Variants in LEFTY2 observed in about 807,000 individuals in gnomAD.
LEFTY2 encodes TGF-beta-4.
LEFTY2 carries 10 observed loss-of-function variants against 26.4 expected under a neutral mutation model. That is an observed-to-expected ratio of 0.38 (90% CI 0.23 to 0.64). The LOEUF (loss-of-function observed/expected upper bound fraction) is 0.64. Ranked by LOEUF, LEFTY2 falls within the 30% of genes least tolerant of loss-of-function variation. The pLI is 0.56. For synonymous variants in LEFTY2, 204 were observed against 234.1 expected, an observed-to-expected ratio of 0.87 and a Z score of 1.17; for missense variants, 407 against 502.1, an observed-to-expected ratio of 0.81 and a Z score of 1.81.
chr1:225,937,489 G>A lies in LEFTY2; in HGVS notation c.1053C>T (p.Cys351=), dbSNP rs1368869614. 1.9e-6 allele frequency: 3 copies of A among 1,613,958 alleles called. No individual in the cohort carries two copies. The African/African-American group carries it at 4.0e-5, about 22-fold the overall frequency. ...VSLPNMRVQK[C]SCASDGALVP... ...CGAGCGCCCCATCCGAGGCACAGCT[G>A]CACTTCTGCACCCTCATGTTGGGCA... The change falls in exon 4 of 4, where the codon TGC becomes TGT. Residue 351 remains cysteine, a synonymous_variant. Transcript: ENST00000366820.
chr1:225,937,102 G>T lies in LEFTY2; in HGVS notation c.*339C>A. The T allele has an allele frequency of 2.3e-6, 1 of 438,280 alleles. No individual in the cohort carries two copies. 27.1% of individuals were successfully genotyped at this position (438,280 alleles called of 1,614,324 possible). ...ACAGCAATTCAGTTCTGTTTCCCCA[G>T]TTCTAATCATAGGGTATTATTGTTC... On this transcript the variant is annotated 3_prime_UTR_variant, in exon 4 of 4. Coordinates refer to ENST00000366820, the MANE Select transcript of LEFTY2 (RefSeq NM_003240.5).
intron 3 of LEFTY2, 85 bp from the exon 4 acceptor site, chr1:225,937,889 G>A: frequency 6.7e-7 from 1 of 1,496,752 alleles, no homozygotes; most frequent in East Asian, 2.4e-5. Flanking sequence ...GGGCACCTGG[G>A]AGGGAGGTTT....
intron 3 of LEFTY2, among the ~76,000 whole-genome samples, chr1:225,938,845 T>G (rs1488577574): frequency 6.9e-6 from 1 of 145,566 alleles, no homozygotes; most frequent in Non-Finnish European, 1.5e-5. Context: ...ATATTTCTTT[T>G]TCTTTTCTTT....
rs1333242559 is a variant in LEFTY2, at chr1:225,939,360, C to T, written c.737+1G>A. 6.2e-7 allele frequency: 1 copy of T among 1,613,606 alleles called. No individual in the cohort carries two copies. ...TCCCTTCTGCCCAGTCCTGCACCTACCCATAGTCCCTGAGGTCCAGGGTGT... is the reference window on the plus strand; with the variant it reads ...TCCCTTCTGCCCAGTCCTGCACCTATCCATAGTCCCTGAGGTCCAGGGTGT... On this transcript the variant is annotated splice_donor_variant, in intron 3 of 3. Coordinates refer to ENST00000366820, the MANE Select transcript of LEFTY2 (RefSeq NM_003240.5). LOFTEE classifies it high-confidence loss of function. This position sits in a 1 kb window ranked among gnomAD's most constrained non-coding sequence, Gnocchi z 4.1.
Position 225,937,278 on chromosome 1 carries a change from G to T in LEFTY2, c.*163C>A. On this transcript the variant is annotated 3_prime_UTR_variant, in exon 4 of 4. Coordinates refer to ENST00000366820, the MANE Select transcript of LEFTY2 (RefSeq NM_003240.5). ...TTTACTCACGTAAGTGCTTAGGATGGGTGATGGACGGGAAAGACAGGAAAT... is the reference window on the plus strand; with the variant it reads ...TTTACTCACGTAAGTGCTTAGGATGTGTGATGGACGGGAAAGACAGGAAAT... 1.8e-6 allele frequency: 2 copies of T among 1,093,656 alleles called. No homozygotes were observed. Among genetic ancestry groups the T allele is most frequent in the Non-Finnish European group, 2.7e-6 (2 of 742,888 alleles). The allele number at this position is 1,093,656 out of a possible 1,614,324, so 67.7% of individuals were successfully genotyped here. A position where few individuals can be genotyped will look rare whatever the true frequency, so the allele number is the denominator to read the frequency against.
In LEFTY2 at chr1:225,937,477, C is replaced by T. The variant is rs756005459; in HGVS notation, c.1065G>A (p.Ser355=). ...NMRVQKCSCA[S]DGALVPRRLQ... ...GCCTCCTTGGCACGAGCGCCCCATCCGAGGCACAGCTGCACTTCTGCACCC... is the reference window on the plus strand; with the variant it reads ...GCCTCCTTGGCACGAGCGCCCCATCTGAGGCACAGCTGCACTTCTGCACCC... Residue 355 remains serine, a synonymous_variant, in exon 4 of 4, where the codon TCG becomes TCA. Coordinates refer to ENST00000366820, the MANE Select transcript of LEFTY2 (RefSeq NM_003240.5). 241 of 1,613,944 alleles carry T rather than the reference C, an allele frequency of 1.5e-4. 2 individuals carry two copies. Among genetic ancestry groups the T allele is most frequent in the East Asian group, 4.5e-5 (2 of 44,904 alleles).
rs898301393 is a variant in LEFTY2, at chr1:225,937,299, G to C, written c.*142C>G. On this transcript the variant is annotated 3_prime_UTR_variant, in exon 4 of 4. Coordinates refer to ENST00000366820, the MANE Select transcript of LEFTY2 (RefSeq NM_003240.5). ...GATGGGTGATGGACGGGAAAGACAG[G>C]AAATGGAAGGACACAGGGCGAAGGT... 2 of 1,359,698 alleles carry C rather than the reference G, an allele frequency of 1.5e-6. No homozygotes were observed. The highest frequency in any genetic ancestry group is 2.1e-6 in the Non-Finnish European group (2 of 971,032). The allele number at this position is 1,359,698 out of a possible 1,614,324, so 84.2% of individuals were successfully genotyped here. A position where few individuals can be genotyped will look rare whatever the true frequency, so the allele number is the denominator to read the frequency against.
At position 225,937,931 on chromosome 1, in the gene LEFTY2, G is replaced by C. The variant is rs932587400; in HGVS notation, c.738-127C>G. 3.2e-6 allele frequency: 4 copies of C among 1,241,228 alleles called. No individual in the cohort carries two copies. In the African/African-American group the frequency reaches 4.6e-5, roughly 14 times the overall value. The allele number at this position is 1,241,228 out of a possible 1,614,324, so 76.9% of individuals were successfully genotyped here. On this transcript the variant is annotated intron_variant, in intron 3 of 3. Transcript: ENST00000366820. ...CAGCTCTCACTATGTTCTAAAAGCT[G>C]GATATTTGTGAGAAGATGAATAAAC...
chr1:225,940,668 G>A (rs1672296773), intron 1 of LEFTY2, among the ~76,000 whole-genome samples: 1 of 151,036 alleles, frequency 6.6e-6, no homozygotes, highest in Non-Finnish European at 1.5e-5. Context: ...TTTCCAGCAG[G>A]TCTAGCCTGG....
At position 225,939,389 on chromosome 1, in the gene LEFTY2, G is replaced by C. The variant is rs1166396477; in HGVS notation, c.709C>G (p.Leu237Val). Residue 237 changes from leucine to valine, a missense_variant, in exon 3 of 4, where the codon CTG becomes GTG. Transcript: ENST00000366820. This position sits in a 1 kb window ranked among gnomAD's most constrained non-coding sequence, Gnocchi z 4.1. ...TAGTCCCTGAGGTCCAGGGTGTGCA[G>C]CTCCAGCTGGGGCTCCCCAAGCCCG... ...PAGLGEPQLE[L>V]HTLDLRDYGA... 1 of 1,613,582 alleles carries C rather than the reference G, an allele frequency of 6.2e-7. No individual in the cohort carries two copies. The highest frequency in any genetic ancestry group is 1.1e-5 in the South Asian group (1 of 91,060).
Position 225,937,056 on chromosome 1 carries a change from G to A in LEFTY2, c.*385C>T. 3.1e-6 allele frequency: 1 copy of A among 325,328 alleles called. No homozygotes were observed. Among genetic ancestry groups the A allele is most frequent in the South Asian group, 2.9e-5 (1 of 33,910 alleles). 20.2% of individuals were successfully genotyped at this position (325,328 alleles called of 1,614,324 possible). A position where few individuals can be genotyped will look rare whatever the true frequency, so the allele number is the denominator to read the frequency against. On this transcript the variant is annotated 3_prime_UTR_variant, in exon 4 of 4. Coordinates refer to ENST00000366820, the MANE Select transcript of LEFTY2 (RefSeq NM_003240.5). ...TATTTGGGGGAAATAGAGATTTGAA[G>A]GTTTTAATTCCTCATATAACACAGC... is the stretch of plus-strand genomic sequence containing the variant.
chr1:225,936,978 C>G lies in LEFTY2; in HGVS notation c.*463G>C, dbSNP rs549616551. On this transcript the variant is annotated 3_prime_UTR_variant, in exon 4 of 4. Coordinates refer to ENST00000366820, the MANE Select transcript of LEFTY2 (RefSeq NM_003240.5). ...GCCCTTCATCCTTCCTCTTAGCACC[C>G]TCTCAGGGGAACAGGGGCCTAGGTA... is the stretch of plus-strand genomic sequence containing the variant. 8.9e-5 allele frequency: 18 copies of G among 203,196 alleles called. No homozygotes were observed. The highest frequency in any genetic ancestry group is 1.6e-4 in the Non-Finnish European group (16 of 98,952). 12.6% of individuals were successfully genotyped at this position (203,196 alleles called of 1,614,324 possible). A position where few individuals can be genotyped will look rare whatever the true frequency, so the allele number is the denominator to read the frequency against.
intron 1 of LEFTY2, 65 bp downstream of exon 1, chr1:225,940,826 A>G: frequency 6.2e-7 from 1 of 1,610,360 alleles, no homozygotes; most frequent in Non-Finnish European, 8.5e-7. Flanking sequence ...CGACACCTCC[A>G]GAGTGGGCAC....
Position 225,940,883 on chromosome 1 carries a change from G to A in LEFTY2, c.250+8C>T. 6.2e-7 allele frequency: 1 copy of A among 1,613,392 alleles called. No homozygotes were observed. The highest frequency in any genetic ancestry group is 8.5e-7 in the Non-Finnish European group (1 of 1,179,722). On this transcript the variant is annotated splice_region_variant and intron_variant, in intron 1 of 3. Transcript: ENST00000366820. ...GGGACCGGGGCCAGCAGGGAGGGAG[G>A]GTCTCACCTCGGAAGCTCTGGCTGA... is the stretch of plus-strand genomic sequence containing the variant.
At position 225,941,170 on chromosome 1, in the gene LEFTY2, G is replaced by A; in HGVS notation, c.-30C>T. ...CTGCCCTGGGGGAGCAGGAGGCAGA[G>A]TGGGGCTGTCCTCTAGGGAGGTTGA... is the stretch of plus-strand genomic sequence containing the variant. On this transcript the variant is annotated 5_prime_UTR_variant, in exon 1 of 4. Transcript: ENST00000366820. 2 of 1,519,516 alleles carry A rather than the reference G, an allele frequency of 1.3e-6. No homozygotes were observed. Among genetic ancestry groups the A allele is most frequent in the Non-Finnish European group, 8.8e-7 (1 of 1,140,204 alleles). The allele number at this position is 1,519,516 out of a possible 1,614,324, so 94.1% of individuals were successfully genotyped here. A position where few individuals can be genotyped will look rare whatever the true frequency, so the allele number is the denominator to read the frequency against.
Position 225,939,536 on chromosome 1 carries a change from G to T in LEFTY2, c.562C>A (p.Gln188Lys). The change falls in exon 3 of 4, where the codon CAG becomes AAG. Residue 188 changes from glutamine to lysine, a missense_variant. By Grantham distance (53) the Gln-to-Lys change is moderately conservative (BLOSUM62 1). Coordinates refer to ENST00000366820, the MANE Select transcript of LEFTY2 (RefSeq NM_003240.5). This position sits in a 1 kb window ranked among gnomAD's most constrained non-coding sequence, Gnocchi z 4.1. Reference sequence around the variant, plus strand: ...GGCTGCCGGGGCCGGCTCAGCTGCTGCCAGAAGTTCACGGCCTCGGTCACG... The same window carrying T: ...GGCTGCCGGGGCCGGCTCAGCTGCTTCCAGAAGTTCACGGCCTCGGTCACG... ...FDVTEAVNFW[Q>K]QLSRPRQPLL... 2.5e-6 allele frequency: 4 copies of T among 1,611,624 alleles called. No individual in the cohort carries two copies. The highest frequency in any genetic ancestry group is 3.4e-6 in the Non-Finnish European group (4 of 1,179,712).
rs763980050 is a variant in LEFTY2, at chr1:225,940,919, G to A, written c.222C>T (p.Arg74=). The A allele has an allele frequency of 1.3e-4, 206 of 1,613,606 alleles. 4 individuals carry two copies. The South Asian group carries it at 2.0e-3, about 15-fold the overall frequency. The change falls in exon 1 of 4, where the codon CGC becomes CGT. Residue 74 remains arginine (R), a synonymous_variant. Coordinates refer to ENST00000366820, the MANE Select transcript of LEFTY2 (RefSeq NM_003240.5). ...LLRRSHGDRS[R]GKRFSQSFRE... ...GGAAGCTCTGGCTGAACCTCTTTCC[G>A]CGGGAGCGGTCCCCGTGGCTGCGCC...
At position 225,937,001 on chromosome 1, in the gene LEFTY2, G is replaced by A. The variant is rs896558306; in HGVS notation, c.*440C>T. The A allele has an allele frequency of 2.5e-5, 6 of 239,936 alleles. No homozygotes were observed. The highest frequency in any genetic ancestry group is 4.1e-5 in the Non-Finnish European group (5 of 121,192). The allele number at this position is 239,936 out of a possible 1,614,324, so 14.9% of individuals were successfully genotyped here. A position where few individuals can be genotyped will look rare whatever the true frequency, so the allele number is the denominator to read the frequency against. On this transcript the variant is annotated 3_prime_UTR_variant, in exon 4 of 4. Transcript: ENST00000366820. ...CCCTCTCAGGGGAACAGGGGCCTAG[G>A]TATGTTTACAAAAGTCCAGAATGGG...
In LEFTY2 at chr1:225,939,549, G is replaced by A; in HGVS notation, c.549C>T (p.Ala183=). 6.2e-7 allele frequency: 1 copy of A among 1,612,026 alleles called. No homozygotes were observed. The highest frequency in any genetic ancestry group is 1.3e-5 in the African/African-American group (1 of 75,044). ...SGWKAFDVTE[A]VNFWQQLSRP... is the part of the protein sequence containing the mutation. ...GGCTCAGCTGCTGCCAGAAGTTCACGGCCTCGGTCACGTCGAAGGCCTTCC... is the reference window on the plus strand; with the variant it reads ...GGCTCAGCTGCTGCCAGAAGTTCACAGCCTCGGTCACGTCGAAGGCCTTCC... The change falls in exon 3 of 4, where the codon GCC becomes GCT. Residue 183 remains alanine (A), a synonymous_variant. Transcript: ENST00000366820. The surrounding 1 kb of genome is among the most constrained non-coding windows in gnomAD (Gnocchi z 4.1).
Sources: allele counts gnomAD v4.1 joint callset (sites outside exome capture counted in the v4.1 genomes callset), GRCh38; gene constraint gnomAD v4.1.1; non-coding constraint Gnocchi (gnomAD v3.1); transcripts MANE v1.5; gene names NCBI Gene and HGNC (gene_info 2026-07-23, HGNC 2026-07-21).